KIAA0513: variants seen among roughly 807,000 people sequenced by gnomAD.
KIAA0513 encodes the protein KIAA0513, also known as uncharacterized protein KIAA0513.
Under a neutral mutation model 56.5 loss-of-function variants are expected in KIAA0513, and 39 were observed. That is an observed-to-expected ratio of 0.69 (90% CI 0.53 to 0.90). KIAA0513 has a LOEUF of 0.90. Among genes scored for constraint, KIAA0513 ranks in the 40% least tolerant of loss-of-function variants. The pLI is 0.00. For missense variants in KIAA0513, 591 were observed against 535.2 expected (o/e 1.10, Z -1.03); for synonymous variants, 268 against 215.6 (o/e 1.24, Z -2.13).
intron 1 of KIAA0513, among the ~76,000 whole-genome samples, chr16:85,030,119 C>T (rs893328228): frequency 2.6e-5 from 4 of 152,316 alleles, no homozygotes; most frequent in Admixed American, 2.6e-4. Context: ...CCGAGTCTGC[C>T]GCAGCACCCC....
At chr16:85,041,823 G>T (rs1430640161) in intron 1 of KIAA0513, among the ~76,000 whole-genome samples, 1 of 152,082 alleles carries the variant, frequency 6.6e-6, no homozygotes, top group East Asian at 1.9e-4. Context: ...TGGGGGTTCT[G>T]GACCCATCTG....
intron 8 of KIAA0513, chr16:85,079,227 G>A (rs2073706320): frequency 1.1e-6 from 1 of 932,506 alleles, no homozygotes. Flanking sequence ...CAGCCGCTGA[G>A]AAACAGTCTG....
chr16:85,073,926 A>G (rs1242509568), intron 4 of KIAA0513, among the ~76,000 whole-genome samples: 1 of 152,020 alleles, frequency 6.6e-6, no homozygotes, highest in Non-Finnish European at 1.5e-5. Context: ...TCCCAACCAA[A>G]AGAAAGCTGC....
At chr16:85,032,230 G>T (rs2072975063) in intron 1 of KIAA0513, among the ~76,000 whole-genome samples, 1 of 152,198 alleles carries the variant, frequency 6.6e-6, no homozygotes, top group Non-Finnish European at 1.5e-5. Context: ...TGGCCTACTT[G>T]TCCCTGCATG....
intron 1 of KIAA0513, among the ~76,000 whole-genome samples, chr16:85,064,284 G>C (rs1302786064): frequency 6.6e-6 from 1 of 152,090 alleles, no homozygotes; most frequent in Non-Finnish European, 1.5e-5. Flanking sequence ...GGGATTACGG[G>C]AGTGAGCCAC....
chr16:85,044,285 G>C (rs999003500), intron 1 of KIAA0513, among the ~76,000 whole-genome samples: 1 of 152,074 alleles, frequency 6.6e-6, no homozygotes, highest in African/African-American at 2.4e-5. Flanking sequence ...GTGTGTGCAG[G>C]GACTCTAGTC....
At chr16:85,049,291 G>C (rs566192333) in intron 1 of KIAA0513, among the ~76,000 whole-genome samples, 7 of 152,358 alleles carry the variant, frequency 4.6e-5, no homozygotes, top group South Asian at 4.1e-4. Flanking sequence ...TAGAGGCATG[G>C]ATGTCCTCAG....
At chr16:85,047,547 C>G (rs1053977739) in intron 1 of KIAA0513, among the ~76,000 whole-genome samples, 2 of 152,168 alleles carry the variant, frequency 1.3e-5, no homozygotes, top group African/African-American at 4.8e-5. Context: ...CACCGTTCCT[C>G]CAGCTGGAAA....
chr16:85,052,328 G>GCAA (rs58102316), intron 1 of KIAA0513, among the ~76,000 whole-genome samples: 2,773 of 151,118 alleles, frequency 0.018, 41 homozygotes, highest in South Asian at 0.057. Flanking sequence ...GTCTCAAAAA[G>GCAA]CAACAACAAC....
chr16:85,088,187 G>T (rs1471613906), intron 12 of KIAA0513, 89 bp from the exon 13 acceptor site: 4 of 1,252,172 alleles, frequency 3.2e-6, no homozygotes, highest in South Asian at 2.5e-5. Context: ...AGGGAGGCCC[G>T]ATTCGTCCCT....
rs2073881177 is a variant in KIAA0513 at position 85,092,626 on chromosome 16, T to C, written c.*4301T>C. On this transcript the variant is annotated 3_prime_UTR_variant, in exon 13 of 13. Transcript: ENST00000683363. ...CCAGTCCCACTGAGCCATTCACTTC[T>C]GCTGAACCATTTTTCTTAGGATGCA... The C allele has an allele frequency of 6.6e-6, 1 of 152,272 alleles. No homozygotes were observed. The highest frequency in any genetic ancestry group is 2.4e-5 in the African/African-American group (1 of 41,468). The allele number at this position is 152,272 out of a possible 1,614,324, so 9.4% of individuals were successfully genotyped here.
At position 85,041,756 on chromosome 16, in the gene KIAA0513, A is replaced by G. The variant is rs188564464; in HGVS notation, c.-173+13898A>G. Among the ~76,000 whole-genome samples, 3 of 152,102 alleles carry G rather than the reference A, an allele frequency of 2.0e-5. No homozygotes were observed. In the East Asian group the frequency reaches 5.8e-4, roughly 29 times the overall value. On this transcript the variant is annotated intron_variant, in intron 1 of 12. Coordinates refer to ENST00000683363, the MANE Select transcript of KIAA0513 (RefSeq NM_001388359.1). ...TGACAAGCCACCCGGGGAAGGAGGG[A>G]CCCTGGGTTCCCCTGTTTCTCTGTG...
rs141813129 is a variant in KIAA0513 at position 85,067,377 on chromosome 16, C to T, written c.306C>T (p.Tyr102=). ...TLALRDFMRG[Y]VEKIFSGGED... is the part of the protein sequence containing the mutation. ...CACTCAGGGACTTCATGCGTGGCTA[C>T]GTGGAGAAGATCTTCTCTGGAGGGT... The change falls in exon 2 of 13, where the codon TAC becomes TAT. Residue 102 remains tyrosine, a synonymous_variant. Coordinates refer to ENST00000683363, the MANE Select transcript of KIAA0513 (RefSeq NM_001388359.1). 8.1e-6 allele frequency: 13 copies of T among 1,604,168 alleles called. No homozygotes were observed. The highest frequency in any genetic ancestry group is 6.7e-5 in the African/African-American group (5 of 74,928).
intron 1 of KIAA0513, among the ~76,000 whole-genome samples, chr16:85,049,476 A>C (rs1325891790): frequency 6.6e-6 from 1 of 152,126 alleles, no homozygotes; most frequent in Non-Finnish European, 1.5e-5. Flanking sequence ...TGGAGGTGGG[A>C]GGTGATTGTA....
chr16:85,064,489 G>T (rs1274631429), intron 1 of KIAA0513, among the ~76,000 whole-genome samples: 1 of 152,144 alleles, frequency 6.6e-6, no homozygotes, highest in Non-Finnish European at 1.5e-5. Context: ...GATAGAAATT[G>T]CCTTTTGAAG....
At chr16:85,060,051 C>G (rs1484784813) in intron 1 of KIAA0513, among the ~76,000 whole-genome samples, 2 of 152,188 alleles carry the variant, frequency 1.3e-5, no homozygotes, top group African/African-American at 4.8e-5. Flanking sequence ...ACCTCCGCTT[C>G]CCGGGCTCAA....
chr16:85,065,682 C>A (rs549845120), intron 1 of KIAA0513, among the ~76,000 whole-genome samples: 9 of 152,334 alleles, frequency 5.9e-5, no homozygotes, highest in Non-Finnish European at 1.2e-4. Flanking sequence ...ACCTCACTGG[C>A]AGGCATTGTC....
At chr16:85,041,220 A>G (rs906411130) in intron 1 of KIAA0513, among the ~76,000 whole-genome samples, 2 of 152,210 alleles carry the variant, frequency 1.3e-5, no homozygotes, top group African/African-American at 2.4e-5. Flanking sequence ...CTAGGTCGGA[A>G]TCAGTCTGAA....
chr16:85,033,515 C>T (rs1193632213), intron 1 of KIAA0513, among the ~76,000 whole-genome samples: 2 of 152,206 alleles, frequency 1.3e-5, no homozygotes, highest in Non-Finnish European at 2.9e-5. Context: ...TGCCCAGAGG[C>T]GGTGGCGTAT....
Sources: allele counts gnomAD v4.1 joint callset (sites outside exome capture counted in the v4.1 genomes callset), GRCh38; gene constraint gnomAD v4.1.1; transcripts MANE v1.5; gene names NCBI Gene and HGNC (gene_info 2026-07-23, HGNC 2026-07-21).